SELENOS: variants seen among roughly 807,000 people sequenced by gnomAD.
SELENOS encodes selenoprotein S, also known as VCP interacting membrane selenoprotein.
A neutral mutation model predicts 30.2 loss-of-function variants in SELENOS; 37 were observed. That is an observed-to-expected ratio of 1.23 (90% CI 0.94 to 1.61). SELENOS has a LOEUF of 1.61. SELENOS is among the 40% of genes most tolerant of loss of function. SELENOS has a pLI of 0.00. For missense variants in SELENOS, 289 were observed against 231.8 expected (o/e 1.25, Z -1.60); for synonymous variants, 119 against 91.6 (o/e 1.30, Z -1.71).
At position 101,272,700 on chromosome 15, in the gene SELENOS, G is replaced by A. The variant is rs528484214; in HGVS notation, c.*71C>T. The stretch of plus-strand genomic sequence containing the variant: ...CCCTTGGCTAGTCACTGTGAAAAGC[G>A]TGCGTAAGGCAATTGAATCGAGGGT... On this transcript the variant is annotated 3_prime_UTR_variant, in exon 6 of 6. Transcript: ENST00000526049. 2.2e-4 allele frequency: 320 copies of A among 1,474,498 alleles called. No homozygotes were observed. The highest frequency in any genetic ancestry group is 7.3e-4 in the Admixed American group (37 of 50,844). The allele number at this position is 1,474,498 out of a possible 1,614,324, so 91.3% of individuals were successfully genotyped here.
Position 101,274,455 on chromosome 15 carries a change from T to C in SELENOS, c.449A>G (p.Lys150Arg). The C allele has an allele frequency of 6.2e-7, 1 of 1,609,818 alleles. No individual in the cohort carries two copies. Among genetic ancestry groups the C allele is most frequent in the Non-Finnish European group, 8.5e-7 (1 of 1,177,904 alleles). The change falls in exon 5 of 6, where the codon AAA becomes AGA. Residue 150 changes from lysine to arginine, a missense_variant. By Grantham distance (26) the Lys-to-Arg change is conservative. Transcript: ENST00000526049. ...SPGPSTSSVL[K>R]RKSDRKPLRG... ...CAAAGGCTTTCTGTCCGATTTCCGT[T>C]TCAGGACAGATGAAGTGGAAGGCCC...
chr15:101,272,629 CCT>C lies in SELENOS; in HGVS notation c.*140_*141del. 1 of 787,482 alleles carries C rather than the reference CCT, an allele frequency of 1.3e-6. No individual in the cohort carries two copies. The highest frequency in any genetic ancestry group is 2.7e-5 in the East Asian group (1 of 36,802). 48.8% of individuals were successfully genotyped at this position (787,482 alleles called of 1,614,324 possible). A position where few individuals can be genotyped will look rare whatever the true frequency, so the allele number is the denominator to read the frequency against. Reference sequence around the variant, plus strand: ...ATCTATACCTTTTGCTGACTGGAGCCCTGACATATGCAGGTGTAGTTAGGAAC... The same window carrying C: ...ATCTATACCTTTTGCTGACTGGAGCCGACATATGCAGGTGTAGTTAGGAAC... On this transcript the variant is annotated 3_prime_UTR_variant, in exon 6 of 6. Transcript: ENST00000526049.
At position 101,275,213 on chromosome 15, in the gene SELENOS, G is replaced by A. The variant is rs1296205147; in HGVS notation, c.318+42C>T. On this transcript the variant is annotated intron_variant, in intron 3 of 5. Transcript: ENST00000526049. ...AGGCATCGTTAGCCACTAAACCTCAGACAATTTCTATGCACACATTCAAAC... is the reference window on the plus strand; with the variant it reads ...AGGCATCGTTAGCCACTAAACCTCAAACAATTTCTATGCACACATTCAAAC... The A allele has an allele frequency of 5.4e-6, 8 of 1,493,490 alleles. No individual in the cohort carries two copies. The Admixed American group carries it at 7.3e-5, about 14-fold the overall frequency. The allele number at this position is 1,493,490 out of a possible 1,614,324, so 92.5% of individuals were successfully genotyped here.
At chr15:101,274,850 T>C (rs967581989) in intron 3 of SELENOS, 169 bp from the exon 4 acceptor site, 39 of 731,648 alleles carry the variant, frequency 5.3e-5, no homozygotes, top group Non-Finnish European at 7.3e-5. Flanking sequence ...TTAACTCACA[T>C]AGAGCAGCTT....
At chr15:101,274,327 A>T (rs1285007099) in intron 5 of SELENOS, 93 bp downstream of exon 5, 14 of 1,403,222 alleles carry the variant, frequency 1.0e-5, no homozygotes, top group African/African-American at 1.4e-5. Context: ...GTCTTAATTT[A>T]TGGACAAAGA....
chr15:101,274,398 A>G (rs751886309), intron 5 of SELENOS, 22 bp downstream of exon 5: 16 of 1,595,970 alleles, frequency 1.0e-5, no homozygotes, highest in African/African-American at 2.7e-5. Flanking sequence ...ATCTGTTAAC[A>G]TTTGACATCA....
In SELENOS at chr15:101,277,432, C is replaced by A; in HGVS notation, c.-15G>T. 1 of 1,463,084 alleles carries A rather than the reference C, an allele frequency of 6.8e-7. No homozygotes were observed. 90.6% of individuals were successfully genotyped at this position (1,463,084 alleles called of 1,614,324 possible). ...TGGCGTTCCATGACCGCCGCCGCCG[C>A]CGCCGCCCAGCCCTGCCGCCGCGCC... On this transcript the variant is annotated 5_prime_UTR_variant, in exon 1 of 6. Coordinates refer to ENST00000526049, the MANE Select transcript of SELENOS (RefSeq NM_018445.6).
At chr15:101,277,094 G>T (rs1225106116) in intron 1 of SELENOS, 2 of 716,664 alleles carry the variant, frequency 2.8e-6, no homozygotes, top group Admixed American at 2.2e-5. Context: ...ACTACCACAG[G>T]AAGGGCTTGG....
intron 1 of SELENOS, 120 bp from the exon 2 acceptor site, chr15:101,276,795 GA>G: frequency 6.5e-6 from 8 of 1,223,006 alleles, no homozygotes; most frequent in East Asian, 2.5e-5. Context: ...CTAGGCTGAG[GA>G]AAAAGCCTCC....
At chr15:101,270,816 G>C (rs529623387), downstream of SELENOS, 13 of 152,260 alleles carry the variant, frequency 8.5e-5, no homozygotes, top group African/African-American at 2.4e-4. Context: ...CTGCCACGTG[G>C]TAAGTGCTCT....
intron 1 of SELENOS, chr15:101,277,100 C>G (rs1232426886): frequency 2.7e-6 from 2 of 740,634 alleles, no homozygotes; most frequent in Non-Finnish European, 2.3e-6. Context: ...ACAGGAAGGG[C>G]TTGGTTCGCA....
Position 101,274,651 on chromosome 15 carries a change from C to A in SELENOS, c.349G>T (p.Glu117Ter). Residue 117 changes from glutamate (E) to a stop codon, truncating the protein, a stop_gained, in exon 4 of 6, where the codon GAA becomes TAA. Coordinates refer to ENST00000526049, the MANE Select transcript of SELENOS (RefSeq NM_018445.6). LOFTEE classifies it high-confidence loss of function. Reference sequence around the variant, plus strand: ...CCTTCTTGCATGCTGTCCCACATTTCAATCTTCTGTCTCCTTTTTTCTTCT... The same window carrying A: ...CCTTCTTGCATGCTGTCCCACATTTAAATCTTCTGTCTCCTTTTTTCTTCT... ...LEEEKRRQKI[E>*]MWDSMQEGKS... is the part of the protein sequence containing the mutation. 3 of 1,613,286 alleles carry A rather than the reference C, an allele frequency of 1.9e-6. No homozygotes were observed. The highest frequency in any genetic ancestry group is 2.5e-6 in the Non-Finnish European group (3 of 1,179,764).
At chr15:101,274,770 T>G (rs1321881063) in intron 3 of SELENOS, 89 bp from the exon 4 acceptor site, 2 of 1,329,110 alleles carry the variant, frequency 1.5e-6, no homozygotes, top group African/African-American at 3.0e-5. Flanking sequence ...TTAATTTAAA[T>G]GTCTTTCAGA....
chr15:101,277,176 C>CGCGCAAGGTCCGGGCCTGCT lies in SELENOS; in HGVS notation c.76+146_76+165dup, dbSNP rs2039337869. On this transcript the variant is annotated intron_variant, in intron 1 of 5. Coordinates refer to ENST00000526049, the MANE Select transcript of SELENOS (RefSeq NM_018445.6). ...GGAAGTGCGGCTCCCGAGAAGCCTC[C>CGCGCAAGGTCCGGGCCTGCT]GCGCAAGGTCCGGGCCTGCTGCCCA... 3.3e-6 allele frequency: 4 copies of CGCGCAAGGTCCGGGCCTGCT among 1,214,302 alleles called. No individual in the cohort carries two copies. In the South Asian group the frequency reaches 5.2e-5, roughly 16 times the overall value. 75.2% of individuals were successfully genotyped at this position (1,214,302 alleles called of 1,614,324 possible).
At chr15:101,273,107 T>G (rs1357443170) in intron 5 of SELENOS, among the ~76,000 whole-genome samples, 3 of 152,012 alleles carry the variant, frequency 2.0e-5, no homozygotes, top group Non-Finnish European at 4.4e-5. Context: ...CCGAAACACA[T>G]GCAAAAGGGT....
In SELENOS at chr15:101,277,418, G is replaced by C. The variant is rs947192844; in HGVS notation, c.-1C>G. The C allele has an allele frequency of 4.3e-5, 64 of 1,473,128 alleles. No homozygotes were observed. Among genetic ancestry groups the C allele is most frequent in the Non-Finnish European group, 5.4e-5 (60 of 1,120,174 alleles). The allele number at this position is 1,473,128 out of a possible 1,614,324, so 91.3% of individuals were successfully genotyped here. A position where few individuals can be genotyped will look rare whatever the true frequency, so the allele number is the denominator to read the frequency against. ...ACAGAGACTCCTCTTGGCGTTCCAT[G>C]ACCGCCGCCGCCGCCGCCGCCCAGC... On this transcript the variant is annotated 5_prime_UTR_variant, in exon 1 of 6. Coordinates refer to ENST00000526049, the MANE Select transcript of SELENOS (RefSeq NM_018445.6).
At position 101,272,701 on chromosome 15, in the gene SELENOS, T is replaced by A. The variant is rs2039280793; in HGVS notation, c.*70A>T. ...CCTTGGCTAGTCACTGTGAAAAGCGTGCGTAAGGCAATTGAATCGAGGGTT... is the reference window on the plus strand; with the variant it reads ...CCTTGGCTAGTCACTGTGAAAAGCGAGCGTAAGGCAATTGAATCGAGGGTT... On this transcript the variant is annotated 3_prime_UTR_variant, in exon 6 of 6. Coordinates refer to ENST00000526049, the MANE Select transcript of SELENOS (RefSeq NM_018445.6). 4.7e-6 allele frequency: 7 copies of A among 1,483,348 alleles called. No homozygotes were observed. Among genetic ancestry groups the A allele is most frequent in the East Asian group, 2.5e-5 (1 of 40,610 alleles). The allele number at this position is 1,483,348 out of a possible 1,614,324, so 91.9% of individuals were successfully genotyped here. A position where few individuals can be genotyped will look rare whatever the true frequency, so the allele number is the denominator to read the frequency against.
At position 101,274,543 on chromosome 15, in the gene SELENOS, T is replaced by C. The variant is rs771008977; in HGVS notation, c.409-48A>G. The stretch of plus-strand genomic sequence containing the variant: ...GTAAGAAGCAATTAAAACATTCTAC[T>C]TGGCAATCTTCATCTACCGCATGCC... On this transcript the variant is annotated intron_variant, in intron 4 of 5. Coordinates refer to ENST00000526049, the MANE Select transcript of SELENOS (RefSeq NM_018445.6). 24 of 1,608,750 alleles carry C rather than the reference T, an allele frequency of 1.5e-5. No individual in the cohort carries two copies. The Admixed American group carries it at 4.1e-4, about 27-fold the overall frequency.
In SELENOS at chr15:101,276,645, T is replaced by TACC. The variant is rs770301194; in HGVS notation, c.104_106dup (p.Trp35dup). 21 of 1,613,280 alleles carry TACC rather than the reference T, an allele frequency of 1.3e-5. No individual in the cohort carries two copies. In the South Asian group the frequency reaches 2.3e-4, roughly 18 times the overall value. On this transcript the variant is annotated inframe_insertion, in exon 2 of 6. Coordinates refer to ENST00000526049, the MANE Select transcript of SELENOS (RefSeq NM_018445.6). The stretch of plus-strand genomic sequence containing the variant: ...GAGAAGGATGCAGCTGAAGACGATG[T>TACC]ACCAGCCATAGGTGGCCAGCAGGGA...
Sources: allele counts gnomAD v4.1 joint callset (sites outside exome capture counted in the v4.1 genomes callset), GRCh38; gene constraint gnomAD v4.1.1; transcripts MANE v1.5; gene names NCBI Gene and HGNC (gene_info 2026-07-23, HGNC 2026-07-21).